Variants in STXBP5L observed in about 807,000 individuals in gnomAD.
STXBP5L encodes syntaxin binding protein 5L, also known as syntaxin-binding protein 5-like.
STXBP5L carries 65 observed loss-of-function variants against 144.5 expected under a neutral mutation model. The ratio of observed to expected loss-of-function variants is 0.45; its 90% CI spans 0.37 to 0.55. The LOEUF (loss-of-function observed/expected upper bound fraction) is 0.55, where lower values mean the gene tolerates loss of function less well. Ranked by LOEUF, STXBP5L falls within the 20% of genes least tolerant of loss-of-function variation. STXBP5L has a pLI of 0.00. For missense variants in STXBP5L, 1,298 were observed against 1,405.5 expected (o/e 0.92, Z 1.22); for synonymous variants, 505 against 469.6 (o/e 1.08, Z -0.97).
intron 9 of STXBP5L, among the ~76,000 whole-genome samples, chr3:121,170,935 A>G (rs1285334065): frequency 2.0e-5 from 3 of 152,204 alleles, no homozygotes; most frequent in Admixed American, 2.0e-4. Context: ...CAATGCAAAA[A>G]TCCTCAATAA....
intron 22 of STXBP5L, among the ~76,000 whole-genome samples, chr3:121,398,271 G>T (rs138647439): frequency 4.6e-5 from 7 of 152,292 alleles, no homozygotes; most frequent in South Asian, 4.1e-4. Flanking sequence ...TATTGTCCCC[G>T]CTGGCAAGGA....
chr3:121,339,444 AC>A (rs1356013240), intron 20 of STXBP5L, among the ~76,000 whole-genome samples: 1 of 152,172 alleles, frequency 6.6e-6, no homozygotes, highest in Non-Finnish European at 1.5e-5. Flanking sequence ...ATGGAAAACC[AC>A]AGCCAACATC....
chr3:120,941,431 A>G (rs1175689176), intron 2 of STXBP5L, among the ~76,000 whole-genome samples: 1 of 151,792 alleles, frequency 6.6e-6, no homozygotes, highest in African/African-American at 2.4e-5. Flanking sequence ...TCAGTTTAAT[A>G]TGGTGACAGT....
rs545074950 is a variant in STXBP5L at position 121,341,990 on chromosome 3, A to C, written c.2176+23450A>C. Among the ~76,000 whole-genome samples the C allele has an allele frequency of 3.9e-5, 6 of 152,164 alleles. No homozygotes were observed. In the East Asian group the frequency reaches 1.2e-3, roughly 29 times the overall value. ...TATTTTAGAATAACTTAAATAATAT[A>C]ATTGGACTTTTTGTAACACAAAGGA... On this transcript the variant is annotated intron_variant, in intron 20 of 26. Transcript: ENST00000471454.
chr3:120,938,441 C>T (rs1710382936), intron 2 of STXBP5L, among the ~76,000 whole-genome samples: 2 of 152,172 alleles, frequency 1.3e-5, no homozygotes, highest in Non-Finnish European at 1.5e-5. Context: ...AGAGCAACTT[C>T]ACAGCTAGAA....
At chr3:121,324,527 C>T in intron 20 of STXBP5L, 2 of 698,900 alleles carry the variant, frequency 2.9e-6, no homozygotes, top group South Asian at 3.0e-5. Context: ...CAGCACTAGG[C>T]TTTTATAGGA....
At chr3:121,361,072 G>A (rs1327424226) in intron 20 of STXBP5L, among the ~76,000 whole-genome samples, 1 of 152,086 alleles carries the variant, frequency 6.6e-6, no homozygotes. Flanking sequence ...TACTATTCTA[G>A]GGTAAAAGGT....
chr3:121,040,967 G>A (rs549966390), intron 3 of STXBP5L, among the ~76,000 whole-genome samples: 5 of 152,062 alleles, frequency 3.3e-5, no homozygotes, highest in Admixed American at 3.3e-4. Context: ...GTATCTTTAT[G>A]CAAGCAAACA....
intron 3 of STXBP5L, among the ~76,000 whole-genome samples, chr3:120,983,084 G>A (rs937003713): frequency 2.6e-5 from 4 of 152,212 alleles, no homozygotes; most frequent in Non-Finnish European, 4.4e-5. Flanking sequence ...ACTTCCATCT[G>A]ACAGCAGTGG....
intron 3 of STXBP5L, among the ~76,000 whole-genome samples, chr3:121,033,639 C>T (rs1453344091): frequency 1.3e-5 from 2 of 150,716 alleles, no homozygotes; most frequent in Non-Finnish European, 3.0e-5. Context: ...GGTATATTTA[C>T]CCACTTGGTG....
At chr3:120,964,186 G>A (rs756867766) in intron 3 of STXBP5L, among the ~76,000 whole-genome samples, 1 of 152,088 alleles carries the variant, frequency 6.6e-6, no homozygotes, top group South Asian at 2.1e-4. Flanking sequence ...AGTCTTGCTA[G>A]TGGTCTATCA....
At chr3:121,322,851 G>A (rs1250189678) in intron 20 of STXBP5L, among the ~76,000 whole-genome samples, 1 of 152,124 alleles carries the variant, frequency 6.6e-6, no homozygotes. Flanking sequence ...AGCTTCACCA[G>A]CATCTGTTGT....
chr3:121,206,024 AAG>A (rs1160519728), intron 10 of STXBP5L, 23 bp downstream of exon 10: 1 of 1,398,622 alleles, frequency 7.1e-7, no homozygotes, highest in Non-Finnish European at 9.6e-7. Context: ...ACTTTAGGGA[AAG>A]AGGGATACGA....
At chr3:121,101,961 TAC>T (rs1461245719) in intron 5 of STXBP5L, among the ~76,000 whole-genome samples, 1 of 151,850 alleles carries the variant, frequency 6.6e-6, no homozygotes, top group Non-Finnish European at 1.5e-5. Context: ...CAATCCCATA[TAC>T]AATAGTCACA....
intron 26 of STXBP5L, among the ~76,000 whole-genome samples, 197 bp from the exon 27 acceptor site, chr3:121,418,859 T>C (rs1230298193): frequency 4.6e-5 from 7 of 152,204 alleles, no homozygotes; most frequent in Admixed American, 1.3e-4. Context: ...AAAATCATTT[T>C]CTATCAGCTG....
chr3:121,257,095 T>A (rs941985971), intron 16 of STXBP5L, 66 bp from the exon 17 acceptor site: 7 of 1,229,208 alleles, frequency 5.7e-6, no homozygotes, highest in Admixed American at 2.2e-5. Context: ...TTATTATGAC[T>A]TAGATTAAAT....
rs895070075 is a variant in STXBP5L at position 121,386,377 on chromosome 3, T to C, written c.2587+4845T>C. ...CAGCCTCCAGCTGCATTCACATTGC[T>C]GCAAAGGGCAATAATTTCATTATTT... On this transcript the variant is annotated intron_variant, in intron 22 of 26. Coordinates refer to ENST00000471454, the MANE Select transcript of STXBP5L (RefSeq NM_001308330.2). 6.6e-5 allele frequency among the ~76,000 whole-genome samples: 10 copies of C among 152,166 alleles called. 1 individual carries two copies. The highest frequency in any genetic ancestry group is 2.6e-4 in the Admixed American group (4 of 15,258).
At chr3:121,349,104 C>T (rs990807123) in intron 20 of STXBP5L, among the ~76,000 whole-genome samples, 1 of 152,012 alleles carries the variant, frequency 6.6e-6, no homozygotes, top group Admixed American at 6.6e-5. Context: ...TAGTGCTATA[C>T]ATTTCCCTCT....
intron 5 of STXBP5L, among the ~76,000 whole-genome samples, chr3:121,077,900 C>T (rs990166606): frequency 1.3e-5 from 2 of 151,638 alleles, no homozygotes; most frequent in African/African-American, 2.4e-5. Context: ...GAGCTAGATA[C>T]AGAGTGCTGA....
Sources: allele counts gnomAD v4.1 joint callset (sites outside exome capture counted in the v4.1 genomes callset), GRCh38; gene constraint gnomAD v4.1.1; transcripts MANE v1.5; gene names NCBI Gene and HGNC (gene_info 2026-07-23, HGNC 2026-07-21).